Variants in AOPEP observed in about 807,000 individuals in gnomAD.
AOPEP encodes the protein aminopeptidase O (putative).
In AOPEP, 77 loss-of-function variants were observed where a neutral mutation model predicts 98.1. The observed-to-expected ratio is 0.78, with a 90% confidence interval of 0.65 to 0.95. The LOEUF (loss-of-function observed/expected upper bound fraction) is 0.95. Among genes scored for constraint, AOPEP ranks in the 40% least tolerant of loss-of-function variants. AOPEP has a pLI of 0.00. For synonymous variants in AOPEP, 346 were observed against 365.3 expected, an observed-to-expected ratio of 0.95 and a Z score of 0.60; for missense variants, 1,024 against 1,024.7, an observed-to-expected ratio of 1.00 and a Z score of 0.01.
At chr9:94,797,304 T>C (rs1053900797) in intron 4 of AOPEP, among the ~76,000 whole-genome samples, 3 of 151,934 alleles carry the variant, frequency 2.0e-5, no homozygotes, top group African/African-American at 7.3e-5. Context: ...TGGTGACGTG[T>C]GCCTGTAATC....
At chr9:94,921,764 A>G (rs540484115) in intron 5 of AOPEP, among the ~76,000 whole-genome samples, 19 of 152,252 alleles carry the variant, frequency 1.2e-4, no homozygotes, top group Admixed American at 3.9e-4. Context: ...CTTTCGATTC[A>G]GGTTCCCAGC....
chr9:95,149,914 G>A, the AOPEP span: 1 of 1,590,780 alleles, frequency 6.3e-7, no homozygotes, highest in Non-Finnish European at 8.6e-7. Context: ...GGAAACATTT[G>A]CCACTTACAG....
intron 4 of AOPEP, among the ~76,000 whole-genome samples, chr9:94,793,919 A>G (rs1333305121): frequency 6.6e-6 from 1 of 152,142 alleles, no homozygotes; most frequent in Non-Finnish European, 1.5e-5. Context: ...CTGATGGATT[A>G]CTTTCTATGC....
At chr9:94,967,183 A>G (rs183840085) in intron 9 of AOPEP, among the ~76,000 whole-genome samples, 5 of 152,290 alleles carry the variant, frequency 3.3e-5, no homozygotes, top group Admixed American at 2.0e-4. Context: ...AAAACTTATC[A>G]TCTAAACATC....
chr9:94,953,222 G>C (rs1772050225), intron 7 of AOPEP, among the ~76,000 whole-genome samples: 1 of 152,204 alleles, frequency 6.6e-6, no homozygotes, highest in Non-Finnish European at 1.5e-5. Flanking sequence ...ACAAACCTGA[G>C]AGCAGTGAAA....
chr9:95,085,619 G>C (rs1755537143), intron 16 of AOPEP: 4 of 396,570 alleles, frequency 1.0e-5, no homozygotes, highest in Admixed American at 3.5e-5. Flanking sequence ...CAGTCAGCTT[G>C]GGTGCGGAGC....
intron 14 of AOPEP, among the ~76,000 whole-genome samples, chr9:95,075,197 A>G (rs1207934019): frequency 6.6e-6 from 1 of 152,156 alleles, no homozygotes; most frequent in African/African-American, 2.4e-5. Context: ...TTCCTGGCAT[A>G]GATTTGGAGT....
At chr9:94,822,009 A>ACG (rs374854500) in intron 5 of AOPEP, among the ~76,000 whole-genome samples, 26,001 of 149,774 alleles carry the variant, frequency 0.17, 2,843 homozygotes, top group Non-Finnish European at 0.24. Context: ...ACACACACAC[A>ACG]CACGCAGGCA....
chr9:94,841,260 C>T (rs373119541), intron 5 of AOPEP, among the ~76,000 whole-genome samples: 25 of 152,022 alleles, frequency 1.6e-4, no homozygotes, highest in Non-Finnish European at 1.5e-4. Context: ...CAGGCTCCCC[C>T]TCCTGCGTTC....
chr9:94,956,058 G>A (rs972735390), intron 9 of AOPEP, 43 bp downstream of exon 9: 1 of 1,145,238 alleles, frequency 8.7e-7, no homozygotes, highest in South Asian at 1.3e-5. Flanking sequence ...ATGACTGGAG[G>A]GGGTATGGCA....
At chr9:94,835,679 CT>C (rs1343017699) in intron 5 of AOPEP, among the ~76,000 whole-genome samples, 2 of 152,214 alleles carry the variant, frequency 1.3e-5, no homozygotes, top group East Asian at 3.8e-4. Flanking sequence ...AGAGCAAAGA[CT>C]TTAACAGCTT....
intron 10 of AOPEP, among the ~76,000 whole-genome samples, chr9:94,977,531 AGAAC>A (rs923617411): frequency 6.6e-6 from 1 of 152,246 alleles, no homozygotes; most frequent in Non-Finnish European, 1.5e-5. Context: ...AGCTTAAAAA[AGAAC>A]AATGACCTCA....
At chr9:95,085,610 A>G (rs764855041) in intron 16 of AOPEP, 2 of 408,860 alleles carry the variant, frequency 4.9e-6, no homozygotes, top group South Asian at 3.5e-5. Flanking sequence ...GCTGCTGCAC[A>G]GTCAGCTTGG....
rs1378669394 is a variant in AOPEP, at chr9:95,082,701, G to A, written c.2446G>A (p.Glu816Lys). 10 of 1,614,040 alleles carry A rather than the reference G, an allele frequency of 6.2e-6. No individual in the cohort carries two copies. Among genetic ancestry groups the A allele is most frequent in the South Asian group, 1.1e-5 (1 of 91,074 alleles). ...MDRSSAQVVAEMLF is the reference protein window; with the variant it reads ...MDRSSAQVVAKMLF ...TAGGTCCTCAGCCCAGGTGGTGGCC[G>A]AAATGTTATTTTAACGAGGTGATTC... Residue 816 changes from glutamate to lysine, a missense_variant, in exon 16 of 17, where the codon GAA (glutamate) becomes AAA (lysine). Transcript: ENST00000375315.
chr9:95,092,099 A>C (rs564051491), downstream of AOPEP, among the ~76,000 whole-genome samples: 1 of 151,066 alleles, frequency 6.6e-6, no homozygotes, highest in African/African-American at 2.4e-5. Flanking sequence ...CACACACACT[A>C]GTAGGGAGAG....
intron 2 of AOPEP, among the ~76,000 whole-genome samples, chr9:94,771,811 C>T (rs770633140): frequency 3.3e-5 from 5 of 152,148 alleles, no homozygotes; most frequent in Admixed American, 6.5e-5. Flanking sequence ...CACCCAGCTC[C>T]TCCAATATGA....
chr9:94,783,665 A>G (rs905482547), intron 3 of AOPEP, among the ~76,000 whole-genome samples: 3 of 152,262 alleles, frequency 2.0e-5, no homozygotes, highest in East Asian at 1.9e-4. Flanking sequence ...TCGTGAATGT[A>G]TTATATTTAT....
chr9:94,855,421 G>A (rs2044059952), intron 5 of AOPEP, among the ~76,000 whole-genome samples: 1 of 152,144 alleles, frequency 6.6e-6, no homozygotes, highest in Admixed American at 6.5e-5. Flanking sequence ...AGGTGCGGTG[G>A]CTCACGCCTG....
intron 7 of AOPEP, chr9:94,931,964 ACCT>A: frequency 8.7e-7 from 1 of 1,145,520 alleles, no homozygotes. Context: ...AATGCGTCTA[ACCT>A]CCTCTAGCTG....
Sources: gnomAD v4.1 joint callset for allele counts (sites outside exome capture counted in the v4.1 genomes callset) on GRCh38, gnomAD v4.1.1 for gene constraint, MANE v1.5 for transcripts, NCBI Gene and HGNC (gene_info 2026-07-23, HGNC 2026-07-21) for gene names.